The following GREB1 variants were observed in gnomAD, a reference collection of about 807,000 sequenced individuals.
The protein encoded by GREB1 is protein GREB1.
In GREB1, 106 loss-of-function variants were observed where a neutral mutation model predicts 200.7. The ratio of observed to expected loss-of-function variants is 0.53; its 90% CI spans 0.45 to 0.62. The LOEUF (loss-of-function observed/expected upper bound fraction) is 0.62, where lower values mean the gene tolerates loss of function less well. Among genes scored for constraint, GREB1 ranks in the 20% least tolerant of loss-of-function variants. The pLI, the probability that GREB1 is intolerant of heterozygous loss-of-function variation, is 0.00. For missense variants in GREB1, 2,243 were observed against 2,556.8 expected (o/e 0.88, Z 2.65); for synonymous variants, 1,132 against 1,092.4 (o/e 1.04, Z -0.72).
chr2:11,506,217 G>C (rs186947539), intron 1 of GREB1, among the ~76,000 whole-genome samples: 2 of 152,320 alleles, frequency 1.3e-5, no homozygotes, highest in East Asian at 3.9e-4. Context: ...ATCATCTCAT[G>C]TGTTCTTGGT....
intron 1 of GREB1, among the ~76,000 whole-genome samples, chr2:11,554,243 C>T (rs535514132): frequency 6.6e-6 from 1 of 152,270 alleles, no homozygotes; most frequent in East Asian, 1.9e-4. Flanking sequence ...TCCCACAGCT[C>T]ATTTCCCCAG....
rs1046898720 is a variant in GREB1 at position 11,641,610 on chromosome 2, C to G, written c.*1156C>G. The stretch of plus-strand genomic sequence containing the variant: ...TCACCATTCTCCTGCCTCAGCCTCC[C>G]GAGTAGCTGGGACTACAGGCGCCCA... On this transcript the variant is annotated 3_prime_UTR_variant, in exon 33 of 33. Transcript: ENST00000381486. 1 of 152,172 alleles carries G rather than the reference C, an allele frequency of 6.6e-6. No individual in the cohort carries two copies. The highest frequency in any genetic ancestry group is 1.5e-5 in the Non-Finnish European group (1 of 68,088). The allele number at this position is 152,172 out of a possible 1,614,324, so 9.4% of individuals were successfully genotyped here.
chr2:11,584,495 CAT>C lies in GREB1; in HGVS notation c.902-663_902-662del, dbSNP rs1031544096. 7.2e-4 allele frequency among the ~76,000 whole-genome samples: 109 copies of C among 152,286 alleles called. 1 individual carries two copies. The highest frequency in any genetic ancestry group is 2.4e-3 in the African/African-American group (101 of 41,556). On this transcript the variant is annotated intron_variant, in intron 7 of 32. Transcript: ENST00000381486. ...TACTGCTGCCGCCTGTCTGCACAAA[CAT>C]ATTTCTCTCTTCCAGCCCTTCAGAA...
Position 11,493,646 on chromosome 2 carries a change from T to C in GREB1, c.-159+11265T>C, listed in dbSNP as rs2148409814. ...AAAATTGGTTTCCTTATACAGTATG[T>C]TATACTGAGCCAGTATTAATGCAAC... On this transcript the variant is annotated intron_variant, in intron 1 of 2. Coordinates refer to the GREB1 transcript ENST00000628795. This position sits in a 1 kb window ranked among gnomAD's most constrained non-coding sequence, Gnocchi z 4.6. Among the ~76,000 whole-genome samples, 1 of 152,338 alleles carries C rather than the reference T, an allele frequency of 6.6e-6. No individual in the cohort carries two copies. Among genetic ancestry groups the C allele is most frequent in the South Asian group, 2.1e-4 (1 of 4,824 alleles).
rs1357326206 is a variant in GREB1 at position 11,626,948 on chromosome 2, G to A, written c.4307-14G>A. ...GCTCCCTGCTGCTTTTTAATCCTGG[G>A]GAATTTGGTGCAGACAGAGGGATGT... On this transcript the variant is annotated splice_polypyrimidine_tract_variant and intron_variant, in intron 24 of 32. Coordinates refer to ENST00000381486, the MANE Select transcript of GREB1 (RefSeq NM_014668.4). The A allele has an allele frequency of 3.1e-6, 5 of 1,614,050 alleles. No individual in the cohort carries two copies. The highest frequency in any genetic ancestry group is 1.1e-5 in the South Asian group (1 of 91,084).
Position 11,618,845 on chromosome 2 carries a change from G to A in GREB1, c.3970G>A (p.Asp1324Asn). Residue 1324 changes from aspartate (D) to asparagine (N), a missense_variant, in exon 22 of 33, where the codon GAC becomes AAC. Asp to Asn is a conservative substitution (Grantham distance 23). Coordinates refer to ENST00000381486, the MANE Select transcript of GREB1 (RefSeq NM_014668.4). Reference protein sequence around the residue: ...QWTVPRPSHMDYGNRAEGRVD... With the variant: ...QWTVPRPSHMNYGNRAEGRVD... ...GACGGTGCCCCGGCCCAGCCACATG[G>A]ACTACGGCAACCGGGCCGAGGGCCG... 1 of 1,600,496 alleles carries A rather than the reference G, an allele frequency of 6.2e-7. No individual in the cohort carries two copies. The highest frequency in any genetic ancestry group is 8.5e-7 in the Non-Finnish European group (1 of 1,177,440).
At chr2:11,608,164 A>T (rs1436118115) in intron 17 of GREB1, among the ~76,000 whole-genome samples, 1 of 152,190 alleles carries the variant, frequency 6.6e-6, no homozygotes, top group Non-Finnish European at 1.5e-5. Context: ...ACATACAAAG[A>T]TCATAGCTCC....
chr2:11,587,744 C>CGCGCGCG lies in GREB1; in HGVS notation c.1160-1002_1160-1001insGCGCGCG, dbSNP rs1452766103. On this transcript the variant is annotated intron_variant, in intron 9 of 32. Transcript: ENST00000381486. ...ACACACACACACACACACACACACG[C>CGCGCGCG]CACCTTTGGGAGCTCAGCAGCCCCG... 9 of 1,169,552 alleles carry CGCGCGCG rather than the reference C, an allele frequency of 7.7e-6. No homozygotes were observed. In the South Asian group the frequency reaches 9.0e-5, roughly 12 times the overall value. 72.4% of individuals were successfully genotyped at this position (1,169,552 alleles called of 1,614,324 possible). A position where few individuals can be genotyped will look rare whatever the true frequency, so the allele number is the denominator to read the frequency against.
chr2:11,539,578 G>A (rs965304966), intron 1 of GREB1, among the ~76,000 whole-genome samples: 1 of 152,242 alleles, frequency 6.6e-6, no homozygotes, highest in East Asian at 1.9e-4. Context: ...TTTGCACAGC[G>A]TACTGTGGCT....
rs569410283 is a variant in GREB1 at position 11,586,813 on chromosome 2, C to T, written c.1159+908C>T. Among the ~76,000 whole-genome samples the T allele has an allele frequency of 3.9e-5, 6 of 152,286 alleles. No individual in the cohort carries two copies. The South Asian group carries it at 8.3e-4, about 21-fold the overall frequency. On this transcript the variant is annotated intron_variant, in intron 9 of 32. Coordinates refer to ENST00000381486, the MANE Select transcript of GREB1 (RefSeq NM_014668.4). ...GGAAGTAGAGTGCAACTCTGAGTTT[C>T]GACCTTAGCATGACGCAGGACCAAT...
intron 2 of GREB1, among the ~76,000 whole-genome samples, chr2:11,557,028 TG>T (rs1676494519): frequency 6.6e-6 from 1 of 152,372 alleles, no homozygotes; most frequent in Admixed American, 6.5e-5. Flanking sequence ...CTCAATCGGT[TG>T]TTACTTATGC....
chr2:11,568,628 G>C (rs1677941997), intron 4 of GREB1, among the ~76,000 whole-genome samples: 1 of 152,268 alleles, frequency 6.6e-6, no homozygotes, highest in Admixed American at 6.5e-5. Context: ...ATCTGGCGGT[G>C]GCCGGGGATT....
At chr2:11,581,020 A>C in intron 7 of GREB1, 188 bp downstream of exon 7, 1 of 736,854 alleles carries the variant, frequency 1.4e-6, no homozygotes, top group Admixed American at 2.0e-5. Context: ...CTGGTGCTCT[A>C]TGAGTGACAC....
At chr2:11,594,976 G>T (rs1313975317) in intron 11 of GREB1, among the ~76,000 whole-genome samples, 1 of 150,414 alleles carries the variant, frequency 6.6e-6, no homozygotes, top group African/African-American at 2.4e-5. Flanking sequence ...TGGCAGGTGT[G>T]AGCCACTGTG....
intron 15 of GREB1, among the ~76,000 whole-genome samples, chr2:11,600,468 G>A (rs917791549): frequency 6.6e-6 from 1 of 152,148 alleles, no homozygotes; most frequent in African/African-American, 2.4e-5. Flanking sequence ...CAATCAGATG[G>A]GGCCAAAGAG....
At chr2:11,569,821 G>A (rs1033572013) in intron 4 of GREB1, among the ~76,000 whole-genome samples, 3 of 152,160 alleles carry the variant, frequency 2.0e-5, no homozygotes, top group African/African-American at 7.2e-5. Flanking sequence ...ATGACAGCGT[G>A]GCACACTGGA....
Position 11,618,408 on chromosome 2 carries a change from G to C in GREB1, c.3533G>C (p.Arg1178Thr). 6.2e-7 allele frequency: 1 copy of C among 1,610,566 alleles called. No individual in the cohort carries two copies. Among genetic ancestry groups the C allele is most frequent in the Non-Finnish European group, 8.5e-7 (1 of 1,178,992 alleles). The change falls in exon 22 of 33, where the codon AGG becomes ACG. Residue 1178 changes from arginine to threonine, a missense_variant. Coordinates refer to ENST00000381486, the MANE Select transcript of GREB1 (RefSeq NM_014668.4). Reference protein sequence around the residue: ...EEGRAPGEKQRPRASQGPPSA... With the variant: ...EEGRAPGEKQTPRASQGPPSA... ...GGCAGAGCCCCTGGTGAGAAACAGA[G>C]GCCCCGGGCAAGTCAGGGGCCACCC...
intron 1 of GREB1, among the ~76,000 whole-genome samples, chr2:11,547,488 A>G (rs192142639): frequency 6.6e-6 from 1 of 152,338 alleles, no homozygotes; most frequent in African/African-American, 2.4e-5. Context: ...TCTGCAGTCT[A>G]CCATGATCTT....
At position 11,635,390 on chromosome 2, in the gene GREB1, C is replaced by T. The variant is rs149131369; in HGVS notation, c.5331C>T (p.Phe1777=). 8 of 1,611,384 alleles carry T rather than the reference C, an allele frequency of 5.0e-6. No individual in the cohort carries two copies. The highest frequency in any genetic ancestry group is 3.3e-5 in the Admixed American group (2 of 59,790). The part of the protein sequence containing the change: ...KQIVVGGHRS[F]HITSKVSDNS... The stretch of plus-strand genomic sequence containing the variant: ...TCGTGGTGGGCGGCCACAGGTCCTT[C>T]CACATCACATCCAAGGTGAGCTCCT... The change falls in exon 30 of 33, where the codon TTC becomes TTT. Residue 1777 remains phenylalanine, a synonymous_variant. Transcript: ENST00000381486.
Sources: gnomAD v4.1 joint callset for allele counts (sites outside exome capture counted in the v4.1 genomes callset) on GRCh38, gnomAD v4.1.1 for gene constraint, Gnocchi (gnomAD v3.1) non-coding constraint, MANE v1.5 for transcripts, NCBI Gene and HGNC (gene_info 2026-07-23, HGNC 2026-07-21) for gene names.